OTOGL: variants seen among roughly 807,000 people sequenced by gnomAD.
OTOGL encodes the protein otogelin like.
A neutral mutation model predicts 318.5 loss-of-function variants in OTOGL; 285 were observed. The observed-to-expected ratio is 0.89, with a 90% CI of 0.81 to 0.99. OTOGL has a LOEUF of 0.99. Among genes scored for constraint, OTOGL ranks in the 50% least tolerant of loss-of-function variants. The probability of loss-of-function intolerance (pLI) is 0.00; values close to 1 mark genes in which losing one functional copy is unlikely to be tolerated. For synonymous variants in OTOGL, 987 were observed against 936.5 expected, an observed-to-expected ratio of 1.05 and a Z score of -0.99; for missense variants, 2,899 against 2,845.6, an observed-to-expected ratio of 1.02 and a Z score of -0.43.
intron 1 of OTOGL, among the ~76,000 whole-genome samples, chr12:80,178,529 T>G (rs553684069): frequency 1.3e-5 from 2 of 152,288 alleles, no homozygotes; most frequent in Admixed American, 1.3e-4. Flanking sequence ...CTAGATGCCT[T>G]GGCCTTCCCT....
chr12:80,290,600 A>G (rs1288936400), intron 26 of OTOGL, among the ~76,000 whole-genome samples: 1 of 152,210 alleles, frequency 6.6e-6, no homozygotes, highest in African/African-American at 2.4e-5. Flanking sequence ...ACTGTTAAAG[A>G]TGTTTGTTTA....
intron 11 of OTOGL, 45 bp from the exon 12 acceptor site, chr12:80,251,648 T>A: frequency 6.9e-7 from 1 of 1,454,552 alleles, no homozygotes; most frequent in South Asian, 1.2e-5. Flanking sequence ...ATGGTTTCTG[T>A]CAATATTTCC....
chr12:80,160,332 A>G (rs1427209288), intron 1 of OTOGL, among the ~76,000 whole-genome samples: 2 of 152,132 alleles, frequency 1.3e-5, no homozygotes, highest in African/African-American at 4.8e-5. Context: ...AATCTTCACA[A>G]TTTATACATC....
At chr12:80,146,461 A>G (rs1872368598) in intron 1 of OTOGL, among the ~76,000 whole-genome samples, 3 of 151,704 alleles carry the variant, frequency 2.0e-5, no homozygotes, top group Admixed American at 2.0e-4. Context: ...TCGTTTTGCC[A>G]GTATTTTATT....
intron 1 of OTOGL, among the ~76,000 whole-genome samples, chr12:80,149,825 G>C (rs1872663417): frequency 6.6e-6 from 1 of 152,180 alleles, no homozygotes; most frequent in Admixed American, 6.6e-5. Context: ...GGAGTGACCT[G>C]ATTTTCCAGG....
Position 80,271,746 on chromosome 12 carries a change from C to A in OTOGL, c.2617C>A (p.Leu873Ile). 1 of 1,613,128 alleles carries A rather than the reference C, an allele frequency of 6.2e-7. No homozygotes were observed. The highest frequency in any genetic ancestry group is 8.5e-7 in the Non-Finnish European group (1 of 1,179,454). ...TAATTGTGAGACTACATGTGCAAAC[C>A]TAGCCATGAACTTCACCTGCACCCC... ...GVNCETTCANLAMNFTCTPSS... is the reference protein window; with the variant it reads ...GVNCETTCANIAMNFTCTPSS... The change falls in exon 24 of 59, where the codon CTA (leucine) becomes ATA (isoleucine). Residue 873 changes from leucine (L) to isoleucine (I), a missense_variant. By Grantham distance (5) the Leu-to-Ile change is conservative. Around this residue, in one of 3 missense-constraint regions of OTOGL, gnomAD observed 2,607 missense variants for 2,524.9 expected, o/e 1.03. Coordinates refer to ENST00000547103, the MANE Select transcript of OTOGL (RefSeq NM_001378609.3).
chr12:80,283,431 A>C (rs1284889784), intron 26 of OTOGL, among the ~76,000 whole-genome samples: 1 of 151,920 alleles, frequency 6.6e-6, no homozygotes, highest in African/African-American at 2.4e-5. Context: ...TTCAGCTCAC[A>C]GTTATCTGTC....
intron 52 of OTOGL, among the ~76,000 whole-genome samples, chr12:80,359,300 G>A (rs1347110146): frequency 6.6e-6 from 1 of 152,090 alleles, no homozygotes. Flanking sequence ...TTCTTCTTAA[G>A]CGTTATCTGC....
intron 34 of OTOGL, among the ~76,000 whole-genome samples, chr12:80,323,097 TACACACACACAC>T (rs200949284): frequency 0.055 from 6,927 of 127,072 alleles, 196 homozygotes; most frequent in Middle Eastern, 0.15. Flanking sequence ...GAAAACCCAC[TACACACACACAC>T]ACACACACAC....
intron 29 of OTOGL, among the ~76,000 whole-genome samples, chr12:80,308,960 AGAGAGGGAGAGGGAGACCGTGGGGAGAGG>A (rs1458423506): frequency 1.7e-4 from 25 of 144,358 alleles, no homozygotes; most frequent in Non-Finnish European, 1.1e-4. Context: ...GACCGTGGAA[AGAGAGGGAGAGGGAGACCGTGGGGAGAGG>A]GAGAGGGAGA....
intron 29 of OTOGL, among the ~76,000 whole-genome samples, chr12:80,307,942 G>A (rs1319442973): frequency 1.4e-4 from 18 of 129,654 alleles, no homozygotes; most frequent in South Asian, 2.6e-4. Flanking sequence ...CCTCCCTCCC[G>A]GACGGAGCGG....
chr12:80,177,533 A>T (rs1874609509), intron 1 of OTOGL, among the ~76,000 whole-genome samples: 1 of 152,196 alleles, frequency 6.6e-6, no homozygotes, highest in South Asian at 2.1e-4. Flanking sequence ...TAAATCTTGA[A>T]ATCAAGATTG....
At chr12:80,204,765 A>G (rs1297666426) in intron 1 of OTOGL, among the ~76,000 whole-genome samples, 1 of 152,160 alleles carries the variant, frequency 6.6e-6, no homozygotes, top group Non-Finnish European at 1.5e-5. Context: ...ACCAGAAACA[A>G]AACAGAAACT....
At chr12:80,242,031 C>T (rs950076528) in intron 11 of OTOGL, among the ~76,000 whole-genome samples, 2 of 152,158 alleles carry the variant, frequency 1.3e-5, no homozygotes. Context: ...AACTTGGATA[C>T]ATGGCCACAC....
intron 13 of OTOGL, 63 bp downstream of exon 13, chr12:80,252,264 A>T: frequency 4.8e-6 from 7 of 1,467,800 alleles, no homozygotes; most frequent in Non-Finnish European, 6.4e-6. Context: ...TGATCTAAGG[A>T]TCACATCTTC....
intron 1 of OTOGL, among the ~76,000 whole-genome samples, chr12:80,140,274 C>A (rs528616144): frequency 1.0e-3 from 156 of 152,262 alleles, no homozygotes; most frequent in African/African-American, 3.6e-3. Context: ...GCCTTTATTT[C>A]AACTTTAGGG....
chr12:80,373,356 C>A (rs377347465), intron 57 of OTOGL, among the ~76,000 whole-genome samples: 6 of 152,008 alleles, frequency 3.9e-5, no homozygotes, highest in Non-Finnish European at 1.5e-5. Flanking sequence ...CACTTGAACC[C>A]GAGAGGCGGA....
chr12:80,313,398 C>A, intron 30 of OTOGL, 78 bp from the exon 31 acceptor site: 1 of 1,379,264 alleles, frequency 7.3e-7, no homozygotes, highest in Non-Finnish European at 1.0e-6. Flanking sequence ...TTTGAAAACA[C>A]ATAGTTTTTT....
At chr12:80,223,458 G>C (rs528054385) in intron 7 of OTOGL, among the ~76,000 whole-genome samples, 2 of 152,086 alleles carry the variant, frequency 1.3e-5, no homozygotes, top group East Asian at 3.9e-4. Flanking sequence ...GAGTAGGATT[G>C]CTGGGTCAAA....
Sources: gnomAD v4.1 joint callset for allele counts (sites outside exome capture counted in the v4.1 genomes callset) on GRCh38, gnomAD v4.1.1 for gene constraint, gnomAD v4.1.1 regional missense constraint, MANE v1.5 for transcripts, NCBI Gene and HGNC (gene_info 2026-07-23, HGNC 2026-07-21) for gene names.